Variants in RALGAPA2 observed in about 807,000 individuals in gnomAD.
The protein encoded by RALGAPA2 is ral GTPase-activating protein subunit alpha-2.
In RALGAPA2, 139 loss-of-function variants were observed where a neutral mutation model predicts 230.4. The ratio of observed to expected loss-of-function variants is 0.60; its 90% CI spans 0.53 to 0.69. The LOEUF is 0.69. RALGAPA2 is among the 30% of genes least tolerant of loss of function. The pLI is 0.00. For synonymous variants in RALGAPA2, 847 were observed against 837.8 expected, an observed-to-expected ratio of 1.01 and a Z score of -0.19; for missense variants, 2,163 against 2,276.0, an observed-to-expected ratio of 0.95 and a Z score of 1.01.
At chr20:20,414,568 G>A (rs1483611462) in intron 37 of RALGAPA2, among the ~76,000 whole-genome samples, 1 of 152,010 alleles carries the variant, frequency 6.6e-6, no homozygotes. Context: ...ACTATCATAA[G>A]CTTGTTCTTG....
intron 37 of RALGAPA2, among the ~76,000 whole-genome samples, chr20:20,420,722 T>TA (rs2122856710): frequency 6.6e-6 from 1 of 152,148 alleles, no homozygotes; most frequent in East Asian, 1.9e-4. Flanking sequence ...CAGATACTTA[T>TA]AAAAATGAGA....
chr20:20,446,113 CAT>C (rs1175172682), intron 37 of RALGAPA2, among the ~76,000 whole-genome samples: 1 of 151,746 alleles, frequency 6.6e-6, no homozygotes, highest in African/African-American at 2.4e-5. Context: ...CTTACTTGAG[CAT>C]ATGTTCTTCA....
rs115576725 is a variant in RALGAPA2 at position 20,402,468 on chromosome 20, C to G, written c.5618-5734G>C. ...ACACGCGTGCTCATGACCACTGGAA[C>G]TTACAGGGATCTGCAGGGTCTTGAG... On this transcript the variant is annotated intron_variant, in intron 38 of 39. Coordinates refer to ENST00000202677, the MANE Select transcript of RALGAPA2 (RefSeq NM_020343.4). Among the ~76,000 whole-genome samples, 915 of 152,354 alleles carry G rather than the reference C, an allele frequency of 6.0e-3. 6 individuals carry two copies. Among genetic ancestry groups the G allele is most frequent in the African/African-American group, 0.021 (866 of 41,594 alleles).
intron 37 of RALGAPA2, among the ~76,000 whole-genome samples, chr20:20,418,143 A>G (rs1429580911): frequency 6.6e-6 from 1 of 152,208 alleles, no homozygotes; most frequent in African/African-American, 2.4e-5. Context: ...GGCAAGGGGT[A>G]GGTGCCAGAA....
At chr20:20,654,651 C>T (rs1356190671) in intron 3 of RALGAPA2, among the ~76,000 whole-genome samples, 2 of 152,210 alleles carry the variant, frequency 1.3e-5, no homozygotes, top group Non-Finnish European at 2.9e-5. Flanking sequence ...CACTGATGGA[C>T]ACTTAGGTTG....
intron 23 of RALGAPA2, among the ~76,000 whole-genome samples, chr20:20,549,572 C>G (rs909753848): frequency 6.6e-6 from 1 of 152,148 alleles, no homozygotes; most frequent in Non-Finnish European, 1.5e-5. Flanking sequence ...ACCAGTCAGC[C>G]AAATTATGGC....
At chr20:20,670,683 C>G (rs1275888420) in intron 3 of RALGAPA2, among the ~76,000 whole-genome samples, 1 of 151,384 alleles carries the variant, frequency 6.6e-6, no homozygotes, top group Non-Finnish European at 1.5e-5. Context: ...CATAGTGGCT[C>G]ATGCCTGTAA....
chr20:20,422,705 C>T (rs2060301514), intron 37 of RALGAPA2, among the ~76,000 whole-genome samples: 1 of 152,204 alleles, frequency 6.6e-6, no homozygotes, highest in Non-Finnish European at 1.5e-5. Context: ...ACAGCAAAAG[C>T]CCTCCAGGCA....
Position 20,437,194 on chromosome 20 carries a change from T to C in RALGAPA2, c.5496-25046A>G, listed in dbSNP as rs552511920. On this transcript the variant is annotated intron_variant, in intron 37 of 39. Coordinates refer to ENST00000202677, the MANE Select transcript of RALGAPA2 (RefSeq NM_020343.4). The surrounding 1 kb of genome is among the most constrained non-coding windows in gnomAD (Gnocchi z 4.1). ...GTTCACCTCCTGTAAATGGGGAAATTAAGGAGACTGGCAACCACAAACCAC... is the reference window on the plus strand; with the variant it reads ...GTTCACCTCCTGTAAATGGGGAAATCAAGGAGACTGGCAACCACAAACCAC... Among the ~76,000 whole-genome samples, 1 of 152,274 alleles carries C rather than the reference T, an allele frequency of 6.6e-6. No homozygotes were observed. The highest frequency in any genetic ancestry group is 2.4e-5 in the African/African-American group (1 of 41,554).
intron 31 of RALGAPA2, among the ~76,000 whole-genome samples, chr20:20,517,667 A>G (rs1243687252): frequency 6.6e-6 from 1 of 152,194 alleles, no homozygotes; most frequent in Non-Finnish European, 1.5e-5. Context: ...AACTACTACA[A>G]TCAGCATCTG....
intron 24 of RALGAPA2, among the ~76,000 whole-genome samples, chr20:20,542,857 C>T (rs1395786448): frequency 6.6e-6 from 1 of 152,124 alleles, no homozygotes; most frequent in Admixed American, 6.6e-5. Flanking sequence ...TGGGCAAAAA[C>T]TTCATGACCT....
intron 36 of RALGAPA2, among the ~76,000 whole-genome samples, chr20:20,477,531 C>T (rs766638740): frequency 6.6e-6 from 1 of 152,106 alleles, no homozygotes; most frequent in African/African-American, 2.4e-5. Context: ...ATTATGAGAT[C>T]TAAATTTCAG....
intron 3 of RALGAPA2, among the ~76,000 whole-genome samples, chr20:20,664,101 A>G (rs2067877629): frequency 6.6e-6 from 1 of 152,210 alleles, no homozygotes. Flanking sequence ...AATGGCATGC[A>G]ATTTAAAACT....
chr20:20,673,110 G>A (rs977016953), intron 3 of RALGAPA2, among the ~76,000 whole-genome samples: 12 of 151,910 alleles, frequency 7.9e-5, no homozygotes, highest in Admixed American at 6.6e-4. Context: ...GCATGAACCC[G>A]GGAGGCGGAG....
At chr20:20,476,086 T>C (rs2061644548) in intron 36 of RALGAPA2, among the ~76,000 whole-genome samples, 1 of 152,084 alleles carries the variant, frequency 6.6e-6, no homozygotes, top group Non-Finnish European at 1.5e-5. Context: ...ACAAGCTAAA[T>C]AAATGGAAAG....
chr20:20,627,664 G>A (rs1172776307), intron 10 of RALGAPA2, among the ~76,000 whole-genome samples: 1 of 152,238 alleles, frequency 6.6e-6, no homozygotes, highest in Non-Finnish European at 1.5e-5. Context: ...CACTTTCTGT[G>A]CAGCAGAGGG....
intron 30 of RALGAPA2, among the ~76,000 whole-genome samples, 157 bp downstream of exon 30, chr20:20,524,249 C>T (rs1443215364): frequency 6.6e-6 from 1 of 152,192 alleles, no homozygotes; most frequent in Non-Finnish European, 1.5e-5. Flanking sequence ...AGCTACCGTG[C>T]CCAGCCAAGT....
At chr20:20,476,711 A>G (rs6082014) in intron 36 of RALGAPA2, among the ~76,000 whole-genome samples, 1 of 149,308 alleles carries the variant, frequency 6.7e-6, no homozygotes, top group Admixed American at 6.6e-5. Flanking sequence ...ATAAATAAAT[A>G]AATAAATAAA....
chr20:20,526,857 C>T (rs1274254974), intron 27 of RALGAPA2, among the ~76,000 whole-genome samples: 1 of 152,186 alleles, frequency 6.6e-6, no homozygotes, highest in Admixed American at 6.5e-5. Flanking sequence ...ACTTGACCTA[C>T]ATGTATAACA....
Sources: gnomAD v4.1 joint callset for allele counts (sites outside exome capture counted in the v4.1 genomes callset) on GRCh38, gnomAD v4.1.1 for gene constraint, Gnocchi (gnomAD v3.1) non-coding constraint, MANE v1.5 for transcripts, NCBI Gene and HGNC (gene_info 2026-07-23, HGNC 2026-07-21) for gene names.